The following FAT3 variants were observed in gnomAD, a reference collection of about 807,000 sequenced individuals.
FAT3 encodes FAT atypical cadherin 3.
A neutral mutation model predicts 310.2 loss-of-function variants in FAT3; 95 were observed. The observed-to-expected ratio is 0.31, with a 90% CI of 0.26 to 0.36. The LOEUF is 0.36. FAT3 is among the 10% of genes least tolerant of loss of function. The pLI is 1.00. For missense variants in FAT3, 5,408 were observed against 5,715.6 expected, an observed-to-expected ratio of 0.95 and a Z score of 1.74; for synonymous variants, 2,314 against 2,192.9, an observed-to-expected ratio of 1.06 and a Z score of -1.54.
chr11:92,794,680 TA>T (rs1415742886), intron 9 of FAT3, among the ~76,000 whole-genome samples: 2 of 152,224 alleles, frequency 1.3e-5, no homozygotes, highest in Non-Finnish European at 2.9e-5. Flanking sequence ...GTTATTTCCT[TA>T]AAACATCTTT....
chr11:92,553,821 T>G (rs1016819444), intron 3 of FAT3, among the ~76,000 whole-genome samples: 3 of 151,814 alleles, frequency 2.0e-5, no homozygotes, highest in Non-Finnish European at 4.4e-5. Context: ...TCTCTTTTTT[T>G]TGAGACAGAG....
At chr11:92,694,574 C>T (rs1288043402) in intron 3 of FAT3, among the ~76,000 whole-genome samples, 1 of 152,176 alleles carries the variant, frequency 6.6e-6, no homozygotes, top group East Asian at 1.9e-4. Context: ...AAGAATCGCC[C>T]TGAGAATCAT....
rs77920756 is a variant in FAT3 at position 92,828,889 on chromosome 11, A to T, written c.9482-2733A>T. Reference sequence around the variant, plus strand: ...AGGCTGCAGGCCTGGAACAGAGGTGATAGAATTAGATTTCAGCTTTGTGTC... The same window carrying T: ...AGGCTGCAGGCCTGGAACAGAGGTGTTAGAATTAGATTTCAGCTTTGTGTC... On this transcript the variant is annotated intron_variant, in intron 13 of 27. Coordinates refer to ENST00000525166, the MANE Select transcript of FAT3 (RefSeq NM_001367949.2). Among the ~76,000 whole-genome samples, 1,288 of 152,250 alleles carry T rather than the reference A, an allele frequency of 8.5e-3. 19 individuals are homozygous for T. The highest frequency in any genetic ancestry group is 0.03 in the African/African-American group (1,230 of 41,554).
At position 92,650,959 on chromosome 11, in the gene FAT3, A is replaced by ATT. The variant is rs1343122615; in HGVS notation, c.3608-46424_3608-46423insTT. Among the ~76,000 whole-genome samples the ATT allele has an allele frequency of 6.6e-5, 10 of 152,334 alleles. No individual in the cohort carries two copies. The East Asian group carries it at 1.9e-3, about 29-fold the overall frequency. ...TAGGTATGCTAGGTACCTTAACCTCATCAGTAATGCAGCTTGCTCTCTGGA... is the reference window on the plus strand; with the variant it reads ...TAGGTATGCTAGGTACCTTAACCTCATTTCAGTAATGCAGCTTGCTCTCTGGA... On this transcript the variant is annotated intron_variant, in intron 3 of 27. Transcript: ENST00000525166.
chr11:92,373,653 T>A (rs984923436), intron 2 of FAT3, among the ~76,000 whole-genome samples: 2 of 152,048 alleles, frequency 1.3e-5, no homozygotes, highest in African/African-American at 4.8e-5. Flanking sequence ...TACAGTATTC[T>A]AGGCACTGAG....
intron 2 of FAT3, among the ~76,000 whole-genome samples, chr11:92,519,596 G>T (rs1481773721): frequency 1.3e-5 from 2 of 152,010 alleles, no homozygotes; most frequent in East Asian, 1.9e-4. Flanking sequence ...GCCACAGACT[G>T]GGGGGGAAGT....
chr11:92,684,025 C>G (rs1323553834), intron 3 of FAT3, among the ~76,000 whole-genome samples: 1 of 152,164 alleles, frequency 6.6e-6, no homozygotes, highest in African/African-American at 2.4e-5. Flanking sequence ...TAGCATTGAG[C>G]TGGTTTTCCC....
intron 1 of FAT3, among the ~76,000 whole-genome samples, chr11:92,286,249 A>G (rs1946560004): frequency 1.3e-5 from 2 of 152,176 alleles, no homozygotes; most frequent in Admixed American, 1.3e-4. Context: ...GGAAAAATTC[A>G]GGGTTCAAGT....
At chr11:92,242,385 AGTG>A (rs1864701566) in intron 1 of FAT3, among the ~76,000 whole-genome samples, 1 of 152,036 alleles carries the variant, frequency 6.6e-6, no homozygotes, top group Non-Finnish European at 1.5e-5. Flanking sequence ...GAAAACTACT[AGTG>A]GTTAAAATAG....
In FAT3 at chr11:92,368,833, C is replaced by CATAT. The variant is rs778237959; in HGVS notation, c.3292+13441_3292+13444dup. On this transcript the variant is annotated intron_variant, in intron 2 of 27. Transcript: ENST00000525166. Reference sequence around the variant, plus strand: ...TAACAACAGTATGTTTGTGTGTATACATATATATATATATACACACATACA... The same window carrying CATAT: ...TAACAACAGTATGTTTGTGTGTATACATATATATATATATATATACACACATACA... 1.9e-3 allele frequency among the ~76,000 whole-genome samples: 268 copies of CATAT among 140,968 alleles called. 6 individuals are homozygous for CATAT. The highest frequency in any genetic ancestry group is 6.8e-3 in the African/African-American group (238 of 34,778). The allele number at this position is 140,968 out of a possible 152,430, so 92.5% of individuals were successfully genotyped here.
intron 2 of FAT3, among the ~76,000 whole-genome samples, chr11:92,418,003 G>A (rs1245733036): frequency 1.3e-5 from 2 of 152,248 alleles, no homozygotes; most frequent in South Asian, 2.1e-4. Context: ...GGGTAGCAGG[G>A]ATGATTTTCA....
At chr11:92,707,919 T>G (rs960980081) in intron 4 of FAT3, among the ~76,000 whole-genome samples, 1 of 152,218 alleles carries the variant, frequency 6.6e-6, no homozygotes, top group African/African-American at 2.4e-5. Context: ...CTCAAGTGCT[T>G]CTATTAATAA....
intron 3 of FAT3, among the ~76,000 whole-genome samples, chr11:92,588,189 T>C (rs1323023805): frequency 1.3e-5 from 2 of 148,726 alleles, no homozygotes; most frequent in Non-Finnish European, 3.0e-5. Context: ...GGTGTCTCTT[T>C]TCTACCATTT....
chr11:92,344,580 C>T (rs7938767), intron 1 of FAT3, among the ~76,000 whole-genome samples: 3 of 151,876 alleles, frequency 2.0e-5, no homozygotes, highest in Non-Finnish European at 4.4e-5. Flanking sequence ...TCCTGACTTT[C>T]ATAAGAAAAG....
chr11:92,702,764 GCCTCC>G (rs1185599925), intron 4 of FAT3, among the ~76,000 whole-genome samples: 1 of 152,146 alleles, frequency 6.6e-6, no homozygotes, highest in Admixed American at 6.5e-5. Flanking sequence ...AGTATTATTT[GCCTCC>G]CTTTTGATCT....
chr11:92,840,880 G>T, intron 18 of FAT3, 121 bp downstream of exon 18: 1 of 942,516 alleles, frequency 1.1e-6, no homozygotes, highest in East Asian at 2.7e-5. Context: ...ATGCGGGAAT[G>T]TTCCCCCTTT....
chr11:92,577,396 C>A (rs1938539309), intron 3 of FAT3, among the ~76,000 whole-genome samples: 1 of 152,094 alleles, frequency 6.6e-6, no homozygotes, highest in Non-Finnish European at 1.5e-5. Context: ...GTATGAGCCA[C>A]CACACCCAGC....
Position 92,831,854 on chromosome 11 carries a change from G to C in FAT3, c.9714G>C (p.Arg3238Ser). 6.2e-7 allele frequency: 1 copy of C among 1,613,710 alleles called. No individual in the cohort carries two copies. The highest frequency in any genetic ancestry group is 2.2e-5 in the East Asian group (1 of 44,842). The change falls in exon 14 of 28, where the codon AGG becomes AGC. Residue 3238 changes from arginine (R) to serine (S), a missense_variant. Physicochemically the swap from Arg to Ser is moderately radical, Grantham distance 110. Around this residue, in one of 5 missense-constraint regions of FAT3, gnomAD observed 4,588 missense variants for 4,809.8 expected, o/e 0.95. Coordinates refer to ENST00000525166, the MANE Select transcript of FAT3 (RefSeq NM_001367949.2). ...DINDNPPVFE[R>S]RDYLVTVPED... ...ATGACAACCCCCCTGTGTTTGAGAGGAGGGACTACCTGGTGACGGTGCCTG... is the reference window on the plus strand; with the variant it reads ...ATGACAACCCCCCTGTGTTTGAGAGCAGGGACTACCTGGTGACGGTGCCTG...
At chr11:92,547,020 A>T (rs200645807) in intron 3 of FAT3, among the ~76,000 whole-genome samples, 1 of 152,184 alleles carries the variant, frequency 6.6e-6, no homozygotes, top group East Asian at 1.9e-4. Flanking sequence ...GTCTCTTTAG[A>T]TCAAGGGTCT....
Sources: gnomAD v4.1 joint callset for allele counts (sites outside exome capture counted in the v4.1 genomes callset) on GRCh38, gnomAD v4.1.1 for gene constraint, gnomAD v4.1.1 regional missense constraint, MANE v1.5 for transcripts, NCBI Gene and HGNC (gene_info 2026-07-23, HGNC 2026-07-21) for gene names.